CCDC61: variants seen among roughly 807,000 people sequenced by gnomAD.
CCDC61 encodes centrosomal protein CCDC61.
CCDC61 carries 55 observed loss-of-function variants against 63.0 expected under a neutral mutation model. That is an observed-to-expected ratio of 0.87 (90% CI 0.70 to 1.09). CCDC61 has a LOEUF of 1.09. Among genes scored for constraint, CCDC61 ranks in the 50% least tolerant of loss-of-function variants. The pLI, the probability that CCDC61 is intolerant of heterozygous loss-of-function variation, is 0.00. For missense variants in CCDC61, 651 were observed against 731.4 expected, an observed-to-expected ratio of 0.89 and a Z score of 1.27; for synonymous variants, 270 against 317.0, an observed-to-expected ratio of 0.85 and a Z score of 1.58.
At chr19:46,006,756 C>T (rs529243572) in intron 4 of CCDC61, 40 bp downstream of exon 4, 12 of 1,547,142 alleles carry the variant, frequency 7.8e-6, no homozygotes, top group Non-Finnish European at 1.1e-5. Flanking sequence ...GGCTGGTGGG[C>T]GGGGTGGGAG....
intron 2 of CCDC61, 124 bp downstream of exon 2, chr19:46,003,290 G>A (rs1372927850): frequency 4.2e-6 from 6 of 1,429,946 alleles, no homozygotes; most frequent in Non-Finnish European, 5.7e-6. Context: ...TCTCCAGTGT[G>A]GGGAGGGGTG....
chr19:46,004,320 T>C (rs11672503), intron 3 of CCDC61, among the ~76,000 whole-genome samples: 22,212 of 152,208 alleles, frequency 0.15, 1,908 homozygotes, highest in Middle Eastern at 0.3. Flanking sequence ...ATTCATTTCA[T>C]TTGCTGAGCA....
Position 46,006,246 on chromosome 19 carries a change from T to A in CCDC61, c.232-313T>A, listed in dbSNP as rs73570774. The stretch of plus-strand genomic sequence containing the variant: ...GACAAATGACGTCTTTGTATTATTA[T>A]GAAAGTAGCTTTGACCTCAGTGGAG... On this transcript the variant is annotated intron_variant, in intron 3 of 13. Transcript: ENST00000595358. Among the ~76,000 whole-genome samples, 914 of 152,330 alleles carry A rather than the reference T, an allele frequency of 6.0e-3. 8 individuals are homozygous for A. Among genetic ancestry groups the A allele is most frequent in the African/African-American group, 0.021 (858 of 41,576 alleles).
At chr19:46,009,849 T>C (rs1484795013) in intron 5 of CCDC61, among the ~76,000 whole-genome samples, 1 of 140,248 alleles carries the variant, frequency 7.1e-6, no homozygotes, top group African/African-American at 2.7e-5. Flanking sequence ...CGCGCGCGTT[T>C]GCTCTGTCTC....
chr19:46,002,067 C>T (rs1000373208), intron 1 of CCDC61, among the ~76,000 whole-genome samples: 6 of 152,148 alleles, frequency 3.9e-5, no homozygotes, highest in South Asian at 2.1e-4. Context: ...CCTCAGCCTC[C>T]GGAGTAGCTG....
chr19:46,006,642 C>A lies in CCDC61; in HGVS notation c.315C>A (p.Gly105=), dbSNP rs374230954. ...LRNRKMGGRP[G]SLAPRSAQLN... ...ACCGCAAGATGGGGGGCCGCCCAGG[C>A]TCCTTGGCCCCCAGGTCGGCCCAGC... is the stretch of plus-strand genomic sequence containing the variant. Residue 105 remains glycine (G), a synonymous_variant, in exon 4 of 14, where the codon GGC becomes GGA. Coordinates refer to ENST00000595358, the MANE Select transcript of CCDC61 (RefSeq NM_001267723.2). 1 of 1,613,868 alleles carries A rather than the reference C, an allele frequency of 6.2e-7. No individual in the cohort carries two copies. The highest frequency in any genetic ancestry group is 8.5e-7 in the Non-Finnish European group (1 of 1,179,820).
In CCDC61 at chr19:46,016,883, G is replaced by T; in HGVS notation, c.1231+50G>T. ...GCCGGGCTAGGCGGGACTGGGCGGG[G>T]CTGGGCGGGCTGGGAGGCACTGGGC... is the stretch of plus-strand genomic sequence containing the variant. On this transcript the variant is annotated intron_variant, in intron 10 of 13. Coordinates refer to ENST00000595358, the MANE Select transcript of CCDC61 (RefSeq NM_001267723.2). The surrounding 1 kb of genome is among the most constrained non-coding windows in gnomAD (Gnocchi z 7.2). 6.7e-7 allele frequency: 1 copy of T among 1,496,046 alleles called. No individual in the cohort carries two copies. 92.7% of individuals were successfully genotyped at this position (1,496,046 alleles called of 1,614,324 possible).
chr19:46,006,489 G>T (rs1968712063), intron 3 of CCDC61, 70 bp from the exon 4 acceptor site: 18 of 1,403,164 alleles, frequency 1.3e-5, no homozygotes, highest in Middle Eastern at 3.8e-4. Flanking sequence ...TGTGGCCCAG[G>T]TGTGTGCTAG....
Position 46,015,361 on chromosome 19 carries a change from C to T in CCDC61, c.779C>T (p.Ala260Val). The T allele has an allele frequency of 1.2e-6, 2 of 1,602,356 alleles. No homozygotes were observed. Among genetic ancestry groups the T allele is most frequent in the South Asian group, 1.1e-5 (1 of 90,742 alleles). Reference protein sequence around the residue: ...RLAKELEEAKASERSLRARLK... With the variant: ...RLAKELEEAKVSERSLRARLK... ...TCCCGGCAGCTCGAGGAGGCGAAGG[C>T]ATCGGAGCGGAGCCTGCGCGCCCGG... Residue 260 changes from alanine (A) to valine (V), a missense_variant, in exon 7 of 14, where the codon GCA becomes GTA. Coordinates refer to ENST00000595358, the MANE Select transcript of CCDC61 (RefSeq NM_001267723.2). This position sits in a 1 kb window ranked among gnomAD's most constrained non-coding sequence, Gnocchi z 5.3.
chr19:46,007,754 TC>T (rs1386964458), intron 4 of CCDC61, among the ~76,000 whole-genome samples: 1 of 152,144 alleles, frequency 6.6e-6, no homozygotes, highest in Non-Finnish European at 1.5e-5. Context: ...GGCTCACCTT[TC>T]CCCAGCCAAG....
At chr19:46,017,209 C>G (rs1260862220) in intron 11 of CCDC61, 38 bp from the exon 12 acceptor site, 11 of 1,551,314 alleles carry the variant, frequency 7.1e-6, no homozygotes, top group African/African-American at 2.7e-5. Context: ...GTACCAGAGC[C>G]TCCCCACCAC....
Position 46,015,043 on chromosome 19 carries a change from C to T in CCDC61, c.552-6C>T, listed in dbSNP as rs76903008. 205,395 of 1,480,496 alleles carry T rather than the reference C, an allele frequency of 0.14. 15,077 individuals are homozygous for T. Among genetic ancestry groups the T allele is most frequent in the South Asian group, 0.19 (15,245 of 80,190 alleles). The allele number at this position is 1,480,496 out of a possible 1,614,324, so 91.7% of individuals were successfully genotyped here. A position where few individuals can be genotyped will look rare whatever the true frequency, so the allele number is the denominator to read the frequency against. On this transcript the variant is annotated splice_region_variant and splice_polypyrimidine_tract_variant and intron_variant, in intron 5 of 13. Transcript: ENST00000595358. This position sits in a 1 kb window ranked among gnomAD's most constrained non-coding sequence, Gnocchi z 5.3. ...CTCTCCAGCGCTCTCTCCGCGTCTT[C>T]CCCAGGGTGTCGCGCCTGGCGTCCG... is the stretch of plus-strand genomic sequence containing the variant.
chr19:46,003,538 G>T (rs1420498561), intron 3 of CCDC61, 37 bp downstream of exon 3: 4 of 1,354,336 alleles, frequency 3.0e-6, no homozygotes, highest in Non-Finnish European at 3.2e-6. Context: ...TGGGAGGGGG[G>T]TTCTGTCTTC....
At chr19:45,999,086 C>T (rs1355055479) in intron 1 of CCDC61, among the ~76,000 whole-genome samples, 1 of 152,104 alleles carries the variant, frequency 6.6e-6, no homozygotes, top group African/African-American at 2.4e-5. Flanking sequence ...ATAATACCCA[C>T]CAGAGAGCAG....
chr19:46,001,339 GTC>G (rs1968587920), intron 1 of CCDC61, among the ~76,000 whole-genome samples: 1 of 152,126 alleles, frequency 6.6e-6, no homozygotes, highest in Non-Finnish European at 1.5e-5. Context: ...CGATTCTCCT[GTC>G]TCAGCCTCCC....
At chr19:45,996,952 AC>A (rs1968504128) in intron 1 of CCDC61, among the ~76,000 whole-genome samples, 2 of 151,590 alleles carry the variant, frequency 1.3e-5, no homozygotes, top group South Asian at 4.2e-4. Flanking sequence ...CTCCTTTCAA[AC>A]CCTCTCCTGG....
intron 3 of CCDC61, among the ~76,000 whole-genome samples, chr19:46,004,031 CAG>C (rs1252979474): frequency 6.6e-6 from 1 of 151,846 alleles, no homozygotes; most frequent in South Asian, 2.1e-4. Context: ...CTCCGCCTCC[CAG>C]GTTCAAGCGA....
At position 46,017,079 on chromosome 19, in the gene CCDC61, G is replaced by A; in HGVS notation, c.1310+10G>A. ...AGTCGCTCTCCAGAGGGTAAAACTT[G>A]AACTTGGGAAAAGGATCGCCTCCAA... On this transcript the variant is annotated intron_variant, in intron 11 of 13. Transcript: ENST00000595358. 1.2e-6 allele frequency: 2 copies of A among 1,610,444 alleles called. No individual in the cohort carries two copies. Among genetic ancestry groups the A allele is most frequent in the Non-Finnish European group, 1.7e-6 (2 of 1,178,214 alleles).
chr19:46,011,692 T>C (rs1667222479), intron 5 of CCDC61, among the ~76,000 whole-genome samples: 1 of 152,230 alleles, frequency 6.6e-6, no homozygotes. Context: ...CCCTCTTTTA[T>C]AAAGTTCTCT....
Sources: allele counts gnomAD v4.1 joint callset (sites outside exome capture counted in the v4.1 genomes callset), GRCh38; gene constraint gnomAD v4.1.1; non-coding constraint Gnocchi (gnomAD v3.1); transcripts MANE v1.5; gene names NCBI Gene and HGNC (gene_info 2026-07-23, HGNC 2026-07-21).